RMDN1: variants seen among roughly 807,000 people sequenced by gnomAD.
The protein encoded by RMDN1 is regulator of microtubule dynamics 1.
Under a neutral mutation model 48.9 loss-of-function variants are expected in RMDN1, and 48 were observed. The ratio of observed to expected loss-of-function variants is 0.98; its 90% CI spans 0.78 to 1.25. RMDN1 has a LOEUF of 1.25. Among genes scored for constraint, RMDN1 ranks in the 50% most tolerant of loss-of-function variants. The pLI is 0.00. For missense variants in RMDN1, 418 were observed against 373.4 expected, an observed-to-expected ratio of 1.12 and a Z score of -0.98; for synonymous variants, 148 against 132.6, an observed-to-expected ratio of 1.12 and a Z score of -0.80.
intron 2 of RMDN1, among the ~76,000 whole-genome samples, chr8:86,496,051 C>T (rs1471207443): frequency 6.6e-6 from 1 of 152,038 alleles, no homozygotes; most frequent in East Asian, 1.9e-4. Flanking sequence ...TCCAGCTAAA[C>T]TAAGTTTTAT....
At chr8:86,510,619 A>G (rs1820003926), upstream of RMDN1, among the ~76,000 whole-genome samples, 1 of 152,214 alleles carries the variant, frequency 6.6e-6, no homozygotes, top group African/African-American at 2.4e-5. Flanking sequence ...CAACATCAAG[A>G]GAGATGATGA....
upstream of RMDN1, among the ~76,000 whole-genome samples, chr8:86,509,270 A>G (rs1465122822): frequency 6.6e-6 from 1 of 152,164 alleles, no homozygotes; most frequent in African/African-American, 2.4e-5. Flanking sequence ...CTTGAATGCT[A>G]GGGCATGTGT....
intron 2 of RMDN1, among the ~76,000 whole-genome samples, chr8:86,496,664 A>C (rs554785573): frequency 8.5e-5 from 13 of 152,338 alleles, no homozygotes; most frequent in African/African-American, 3.1e-4. Flanking sequence ...AGACCTACAA[A>C]GAGACTTAGA....
intron 8 of RMDN1, among the ~76,000 whole-genome samples, chr8:86,475,293 AGTTCCCTATG>A (rs1416723885): frequency 6.6e-6 from 1 of 152,168 alleles, no homozygotes; most frequent in Admixed American, 6.5e-5. Context: ...TAATCTCTTT[AGTTCCCTATG>A]GTACCCCACG....
At chr8:86,500,119 C>A (rs12546895) in intron 2 of RMDN1, among the ~76,000 whole-genome samples, 1 of 151,904 alleles carries the variant, frequency 6.6e-6, no homozygotes, top group Non-Finnish European at 1.5e-5. Context: ...GACATAGGCC[C>A]TGGCAAAGAT....
chr8:86,504,005 G>C, intron 2 of RMDN1: 1 of 779,124 alleles, frequency 1.3e-6, no homozygotes, highest in Non-Finnish European at 2.4e-6. Flanking sequence ...ATGTACATTG[G>C]AGAGATCTCA....
downstream of RMDN1, chr8:86,468,600 A>G (rs1563564256): frequency 4.5e-6 from 2 of 445,914 alleles, no homozygotes; most frequent in South Asian, 3.2e-5. Context: ...CATTGTAGGT[A>G]TGATTTAGCA....
Position 86,507,096 on chromosome 8 carries a change from C to A in RMDN1, c.146G>T (p.Gly49Val), listed in dbSNP as rs936601900. Residue 49 changes from glycine (G) to valine (V), a missense_variant, in exon 2 of 10, where the codon GGA becomes GTA. Physicochemically the swap from Gly to Val is moderately radical, Grantham distance 109. Coordinates refer to ENST00000406452, the MANE Select transcript of RMDN1 (RefSeq NM_016033.3). ...GAGTAAAAGGCCTCTTTTGAAAGTT[C>A]CTGGGTTTCCCATTACCTATGGAAA... ...FRGFEVMGNP[G>V]TFKRGLLLSA... The A allele has an allele frequency of 3.1e-6, 5 of 1,605,152 alleles. No homozygotes were observed. Among genetic ancestry groups the A allele is most frequent in the South Asian group, 1.1e-5 (1 of 90,900 alleles).
upstream of RMDN1, chr8:86,508,765 T>G (rs559243480): frequency 1.9e-4 from 265 of 1,371,988 alleles, 2 homozygotes; most frequent in South Asian, 4.1e-3. Context: ...CAGCACCTCT[T>G]CCGCCCCCAT....
At chr8:86,476,940 A>C (rs1001954156) in intron 8 of RMDN1, among the ~76,000 whole-genome samples, 5 of 152,120 alleles carry the variant, frequency 3.3e-5, no homozygotes, top group Non-Finnish European at 7.3e-5. Context: ...GGTTCAAGTG[A>C]TCCTTCTGCC....
intron 2 of RMDN1, among the ~76,000 whole-genome samples, chr8:86,502,873 T>C (rs573516170): frequency 6.6e-6 from 1 of 152,238 alleles, no homozygotes; most frequent in South Asian, 2.1e-4. Flanking sequence ...CTCAACCCTT[T>C]AAAAATGTAA....
At chr8:86,488,717 A>G (rs368485929) in intron 2 of RMDN1, 78 bp from the exon 3 acceptor site, 5 of 926,080 alleles carry the variant, frequency 5.4e-6, no homozygotes, top group Admixed American at 2.5e-5. Context: ...AAAGAAACTT[A>G]AACACTTTTA....
At chr8:86,502,614 G>A (rs1006392458) in intron 2 of RMDN1, among the ~76,000 whole-genome samples, 7 of 151,646 alleles carry the variant, frequency 4.6e-5, no homozygotes, top group Non-Finnish European at 7.4e-5. Context: ...TCTTTTTTTC[G>A]CTTTCAACTT....
At chr8:86,483,016 G>A (rs1003158423) in intron 5 of RMDN1, 9 of 600,686 alleles carry the variant, frequency 1.5e-5, no homozygotes, top group South Asian at 4.0e-5. Context: ...GGAGGCAGCC[G>A]CCCAGGCCAG....
At chr8:86,489,069 C>T (rs1007855465) in intron 2 of RMDN1, among the ~76,000 whole-genome samples, 1 of 152,222 alleles carries the variant, frequency 6.6e-6, no homozygotes, top group Admixed American at 6.5e-5. Flanking sequence ...TTGCTCTACA[C>T]AGTCTTTGTT....
At chr8:86,502,506 A>G (rs1355934861) in intron 2 of RMDN1, among the ~76,000 whole-genome samples, 2 of 152,122 alleles carry the variant, frequency 1.3e-5, no homozygotes, top group South Asian at 2.1e-4. Flanking sequence ...TCAGCCTCCC[A>G]AAGTGCTGGG....
chr8:86,503,306 C>T (rs1222061382), intron 2 of RMDN1, among the ~76,000 whole-genome samples: 3 of 150,296 alleles, frequency 2.0e-5, no homozygotes, highest in African/African-American at 4.9e-5. Flanking sequence ...GAGCCGAGAT[C>T]GCACCACTGC....
chr8:86,501,534 A>G (rs1818217854), intron 2 of RMDN1, among the ~76,000 whole-genome samples: 1 of 151,984 alleles, frequency 6.6e-6, no homozygotes, highest in Admixed American at 6.6e-5. Context: ...TTAGGCAGGC[A>G]TGGTGGTGTG....
chr8:86,512,072 T>C (rs1313737380), upstream of RMDN1, among the ~76,000 whole-genome samples: 1 of 152,166 alleles, frequency 6.6e-6, no homozygotes, highest in Non-Finnish European at 1.5e-5. Flanking sequence ...AGAACAAAAG[T>C]AGAATGGGAT....
Sources: gnomAD v4.1 joint callset for allele counts (sites outside exome capture counted in the v4.1 genomes callset) on GRCh38, gnomAD v4.1.1 for gene constraint, MANE v1.5 for transcripts, NCBI Gene and HGNC (gene_info 2026-07-23, HGNC 2026-07-21) for gene names.